The following CNTNAP5 variants were observed in gnomAD, a reference collection of about 807,000 sequenced individuals.
CNTNAP5 encodes contactin-associated protein-like 5.
A neutral mutation model predicts 150.2 loss-of-function variants in CNTNAP5; 72 were observed. The ratio of observed to expected loss-of-function variants is 0.48; its 90% confidence interval spans 0.40 to 0.58. The LOEUF is 0.58. CNTNAP5 is among the 20% of genes least tolerant of loss of function. The pLI is 0.00. For missense variants in CNTNAP5, 1,636 were observed against 1,626.2 expected (o/e 1.01, Z -0.10); for synonymous variants, 672 against 619.8 (o/e 1.08, Z -1.25).
At chr2:124,357,091 G>A (rs1269844527) in intron 3 of CNTNAP5, among the ~76,000 whole-genome samples, 1 of 152,136 alleles carries the variant, frequency 6.6e-6, no homozygotes, top group Non-Finnish European at 1.5e-5. Context: ...GCTTTTGGCT[G>A]CATAAATGTC....
At chr2:124,748,604 A>T (rs1680656939) in intron 14 of CNTNAP5, among the ~76,000 whole-genome samples, 1 of 152,122 alleles carries the variant, frequency 6.6e-6, no homozygotes. Flanking sequence ...TCAATCCCCA[A>T]ATTTCCCTTT....
intron 13 of CNTNAP5, among the ~76,000 whole-genome samples, chr2:124,743,695 A>G (rs989286962): frequency 5.9e-5 from 9 of 152,272 alleles, no homozygotes; most frequent in Middle Eastern, 6.8e-3. Context: ...ATAATAATAC[A>G]TTTTGGCTTG....
At chr2:124,188,512 G>T (rs921378743) in intron 1 of CNTNAP5, among the ~76,000 whole-genome samples, 2 of 152,108 alleles carry the variant, frequency 1.3e-5, no homozygotes, top group African/African-American at 4.8e-5. Flanking sequence ...GAGGTCAGGA[G>T]ATGGAGACCA....
intron 2 of CNTNAP5, among the ~76,000 whole-genome samples, chr2:124,240,457 T>C (rs992033864): frequency 6.6e-6 from 1 of 152,088 alleles, no homozygotes; most frequent in African/African-American, 2.4e-5. Context: ...CATGAAAGTA[T>C]GGAAAGCTGA....
intron 6 of CNTNAP5, among the ~76,000 whole-genome samples, chr2:124,466,103 G>A (rs78811349): frequency 0.13 from 19,956 of 151,966 alleles, 1,666 homozygotes; most frequent in Non-Finnish European, 0.19. Context: ...GCCAAAATAA[G>A]CCTCTTTGAT....
At chr2:124,287,898 A>G (rs1342032839) in intron 3 of CNTNAP5, among the ~76,000 whole-genome samples, 1 of 152,160 alleles carries the variant, frequency 6.6e-6, no homozygotes, top group Non-Finnish European at 1.5e-5. Context: ...ACTAATAAAG[A>G]CTACGGATTG....
intron 3 of CNTNAP5, among the ~76,000 whole-genome samples, chr2:124,359,480 G>A (rs557772554): frequency 5.9e-5 from 9 of 151,818 alleles, no homozygotes; most frequent in South Asian, 2.1e-4. Flanking sequence ...CTTTGAATGC[G>A]TCACAGAGAT....
intron 6 of CNTNAP5, among the ~76,000 whole-genome samples, chr2:124,473,388 A>G (rs1693564055): frequency 6.6e-6 from 1 of 152,056 alleles, no homozygotes; most frequent in African/African-American, 2.4e-5. Flanking sequence ...TAAACTTTAA[A>G]ATGAAATAGA....
At chr2:124,338,060 T>C (rs1324757227) in intron 3 of CNTNAP5, among the ~76,000 whole-genome samples, 6 of 152,060 alleles carry the variant, frequency 3.9e-5, no homozygotes, top group Non-Finnish European at 7.3e-5. Context: ...GGTTTGTAGT[T>C]CTCCTTGAAG....
chr2:124,577,805 G>C (rs1261491407), intron 11 of CNTNAP5, among the ~76,000 whole-genome samples: 1 of 152,160 alleles, frequency 6.6e-6, no homozygotes, highest in African/African-American at 2.4e-5. Flanking sequence ...TGCACAGACA[G>C]AGAATATGAC....
chr2:124,504,477 C>A lies in CNTNAP5; in HGVS notation c.1248C>A (p.Thr416=). 1.2e-6 allele frequency: 2 copies of A among 1,613,784 alleles called. No individual in the cohort carries two copies. The highest frequency in any genetic ancestry group is 1.7e-6 in the Non-Finnish European group (2 of 1,179,836). ...LSTELSEGSG[T]LLLSLEGGIL... is the part of the protein sequence containing the mutation. ...CAGAGCTGTCTGAGGGCTCGGGAAC[C>A]CTGCTGCTGAGCCTGGAGGGTGGAA... Residue 416 remains threonine, a synonymous_variant, in exon 8 of 24, where the codon ACC becomes ACA. Transcript: ENST00000682447.
chr2:124,363,625 C>T (rs770208146), intron 3 of CNTNAP5, among the ~76,000 whole-genome samples: 9 of 152,130 alleles, frequency 5.9e-5, no homozygotes, highest in South Asian at 2.1e-4. Context: ...ATCTGTTGTA[C>T]AGCATAGTTC....
At chr2:124,256,749 T>C (rs781011842) in intron 3 of CNTNAP5, among the ~76,000 whole-genome samples, 17 of 152,182 alleles carry the variant, frequency 1.1e-4, no homozygotes, top group Non-Finnish European at 1.6e-4. Flanking sequence ...TGGAAGTGTA[T>C]GTAAGAGCTA....
intron 1 of CNTNAP5, among the ~76,000 whole-genome samples, chr2:124,121,720 C>A (rs1052679646): frequency 6.6e-6 from 1 of 152,170 alleles, no homozygotes; most frequent in Non-Finnish European, 1.5e-5. Context: ...CATTCCTAAA[C>A]TATCCCATGC....
chr2:124,517,988 G>A (rs1425642081), intron 8 of CNTNAP5, among the ~76,000 whole-genome samples: 1 of 151,908 alleles, frequency 6.6e-6, no homozygotes, highest in Non-Finnish European at 1.5e-5. Flanking sequence ...GGTTGTGATG[G>A]TGATGGGGGA....
chr2:124,423,122 A>G (rs1002659297), intron 4 of CNTNAP5, among the ~76,000 whole-genome samples: 2 of 152,138 alleles, frequency 1.3e-5, no homozygotes, highest in Non-Finnish European at 2.9e-5. Flanking sequence ...TTCACCACCT[A>G]CTAGTTGGGT....
chr2:124,411,554 G>A (rs1377090171), intron 3 of CNTNAP5, among the ~76,000 whole-genome samples: 2 of 144,464 alleles, frequency 1.4e-5, no homozygotes, highest in South Asian at 2.2e-4. Context: ...TTCATCCCTG[G>A]GATGCAAGGC....
At chr2:124,330,676 C>T (rs1287969944) in intron 3 of CNTNAP5, among the ~76,000 whole-genome samples, 6 of 152,080 alleles carry the variant, frequency 3.9e-5, no homozygotes, top group African/African-American at 1.4e-4. Context: ...TCAATTAAAC[C>T]TCTTCTCTTT....
At chr2:124,843,142 G>A (rs1237451046) in intron 19 of CNTNAP5, among the ~76,000 whole-genome samples, 1 of 152,086 alleles carries the variant, frequency 6.6e-6, no homozygotes, top group African/African-American at 2.4e-5. Context: ...TTATAAGTGA[G>A]AACATACAAT....
Sources: gnomAD v4.1 joint callset for allele counts (sites outside exome capture counted in the v4.1 genomes callset) on GRCh38, gnomAD v4.1.1 for gene constraint, MANE v1.5 for transcripts, NCBI Gene and HGNC (gene_info 2026-07-23, HGNC 2026-07-21) for gene names.